Variants in MAGI2 observed in about 807,000 individuals in gnomAD.
The protein encoded by MAGI2 is membrane-associated guanylate kinase, WW and PDZ domain-containing protein 2.
Under a neutral mutation model 133.3 loss-of-function variants are expected in MAGI2, and 35 were observed. That is an observed-to-expected ratio of 0.26 (90% confidence interval 0.20 to 0.35). MAGI2 has a LOEUF of 0.35. Ranked by LOEUF, MAGI2 falls within the 10% of genes least tolerant of loss-of-function variation. The pLI, the probability that MAGI2 is intolerant of heterozygous loss-of-function variation, is 1.00. For missense variants in MAGI2, 1,636 were observed against 1,863.4 expected, an observed-to-expected ratio of 0.88 and a Z score of 2.25; for synonymous variants, 729 against 710.6, an observed-to-expected ratio of 1.03 and a Z score of -0.41.
At chr7:78,066,882 C>G (rs955866507) in intron 21 of MAGI2, among the ~76,000 whole-genome samples, 11 of 152,196 alleles carry the variant, frequency 7.2e-5, no homozygotes, top group Non-Finnish European at 1.2e-4. Context: ...TCTTTGCCAG[C>G]AAACACTGAT....
At chr7:78,755,408 C>G (rs1389624948) in intron 2 of MAGI2, among the ~76,000 whole-genome samples, 2 of 152,130 alleles carry the variant, frequency 1.3e-5, no homozygotes, top group Non-Finnish European at 1.5e-5. Flanking sequence ...AATGGGAAAG[C>G]TGAATTCTAT....
At chr7:79,426,743 T>C (rs569558687) in intron 1 of MAGI2, among the ~76,000 whole-genome samples, 1 of 152,278 alleles carries the variant, frequency 6.6e-6, no homozygotes, top group East Asian at 1.9e-4. Context: ...ATTTGCTCTT[T>C]GCAAAGAAAT....
At chr7:79,272,133 G>T (rs543692111) in intron 1 of MAGI2, among the ~76,000 whole-genome samples, 1 of 152,024 alleles carries the variant, frequency 6.6e-6, no homozygotes, top group Non-Finnish European at 1.5e-5. Flanking sequence ...TAAAATGTAT[G>T]TATTAAAACT....
At chr7:78,731,699 A>T (rs1017449137) in intron 2 of MAGI2, among the ~76,000 whole-genome samples, 3 of 152,176 alleles carry the variant, frequency 2.0e-5, no homozygotes, top group African/African-American at 4.8e-5. Flanking sequence ...TCCACTCTTC[A>T]GTATCCAATT....
At chr7:78,891,134 C>T (rs6961026) in intron 2 of MAGI2, among the ~76,000 whole-genome samples, 151,311 of 152,318 alleles carry the variant, frequency 0.99, 75,158 homozygotes, top group Middle Eastern at 1. Context: ...CTAGAAGAAA[C>T]GGATAAATTC....
intron 6 of MAGI2, among the ~76,000 whole-genome samples, chr7:78,450,532 T>G (rs1403579803): frequency 1.3e-5 from 2 of 152,094 alleles, no homozygotes; most frequent in East Asian, 1.9e-4. Context: ...GTGATGAAAG[T>G]GTTTTTTAGA....
intron 9 of MAGI2, among the ~76,000 whole-genome samples, chr7:78,316,041 T>C (rs1787381263): frequency 6.6e-6 from 1 of 152,174 alleles, no homozygotes; most frequent in South Asian, 2.1e-4. Context: ...TTCAAATATA[T>C]CCCAGAGTCC....
At chr7:78,033,495 A>G (rs1809833367) in intron 21 of MAGI2, among the ~76,000 whole-genome samples, 2 of 149,450 alleles carry the variant, frequency 1.3e-5, no homozygotes, top group African/African-American at 4.9e-5. Context: ...AAAAAAAAGA[A>G]AAAAGAAACT....
chr7:78,080,634 C>T (rs1368342666), intron 20 of MAGI2, among the ~76,000 whole-genome samples: 1 of 152,182 alleles, frequency 6.6e-6, no homozygotes, highest in Non-Finnish European at 1.5e-5. Context: ...TCCTTCCTGG[C>T]TAGACTCTCT....
Position 78,580,223 on chromosome 7 carries a change from G to A in MAGI2, c.538+46897C>T, listed in dbSNP as rs141745952. The stretch of plus-strand genomic sequence containing the variant: ...AATAAGATAGATCAAAAACACACAT[G>A]CTAACTTAAAAAGAATCTGACAGTA... On this transcript the variant is annotated intron_variant, in intron 3 of 21. Transcript: ENST00000354212. Among the ~76,000 whole-genome samples, 3 of 152,166 alleles carry A rather than the reference G, an allele frequency of 2.0e-5. No homozygotes were observed. In the East Asian group the frequency reaches 5.8e-4, roughly 29 times the overall value.
intron 1 of MAGI2, among the ~76,000 whole-genome samples, chr7:79,320,443 T>C (rs965661541): frequency 9.9e-5 from 15 of 152,136 alleles, no homozygotes; most frequent in South Asian, 2.1e-4. Flanking sequence ...TTCATAGGTG[T>C]AACATATGAA....
chr7:78,593,882 G>A (rs1391233958), intron 3 of MAGI2, among the ~76,000 whole-genome samples: 4 of 152,152 alleles, frequency 2.6e-5, no homozygotes, highest in Non-Finnish European at 5.9e-5. Context: ...TATAGCTTTA[G>A]AATAGATGTG....
intron 6 of MAGI2, among the ~76,000 whole-genome samples, chr7:78,434,286 T>A (rs1173380791): frequency 6.6e-6 from 1 of 152,182 alleles, no homozygotes; most frequent in African/African-American, 2.4e-5. Context: ...GAAAATTGAA[T>A]GAAAAGGTCT....
intron 20 of MAGI2, among the ~76,000 whole-genome samples, chr7:78,084,709 G>C (rs1231957680): frequency 1.3e-5 from 2 of 152,172 alleles, no homozygotes; most frequent in Non-Finnish European, 2.9e-5. Flanking sequence ...AAATAATGAA[G>C]TTCCAGGAAA....
chr7:78,814,524 G>A (rs1789387157), intron 2 of MAGI2, among the ~76,000 whole-genome samples: 1 of 152,030 alleles, frequency 6.6e-6, no homozygotes, highest in South Asian at 2.1e-4. Flanking sequence ...TGACTTAAAG[G>A]TGAACTGAGT....
intron 2 of MAGI2, among the ~76,000 whole-genome samples, chr7:78,771,662 G>T (rs1304381193): frequency 1.3e-5 from 2 of 152,040 alleles, no homozygotes; most frequent in African/African-American, 2.4e-5. Context: ...AAGGGTCAAA[G>T]AATCAGTCAT....
At chr7:78,622,542 T>C (rs1807859455) in intron 3 of MAGI2, among the ~76,000 whole-genome samples, 1 of 152,024 alleles carries the variant, frequency 6.6e-6, no homozygotes, top group South Asian at 2.1e-4. Context: ...CAGAATTCTG[T>C]ATATCCTGAA....
chr7:79,387,791 CTTT>C (rs898477660), intron 1 of MAGI2, among the ~76,000 whole-genome samples: 5 of 151,534 alleles, frequency 3.3e-5, no homozygotes, highest in Admixed American at 6.6e-5. Flanking sequence ...TGCCTTCCTT[CTTT>C]ATTTCTTCTT....
chr7:79,272,722 T>G (rs113537896), intron 1 of MAGI2, among the ~76,000 whole-genome samples: 3 of 151,978 alleles, frequency 2.0e-5, no homozygotes, highest in Admixed American at 6.6e-5. Flanking sequence ...TAAGTTTAAA[T>G]ATAGTATTAA....
Sources: gnomAD v4.1 joint callset for allele counts (sites outside exome capture counted in the v4.1 genomes callset) on GRCh38, gnomAD v4.1.1 for gene constraint, MANE v1.5 for transcripts, NCBI Gene and HGNC (gene_info 2026-07-23, HGNC 2026-07-21) for gene names.